The following OSBPL1A variants were observed in gnomAD, a reference collection of about 807,000 sequenced individuals.
The protein encoded by OSBPL1A is oxysterol-binding protein-related protein 1.
In OSBPL1A, 80 loss-of-function variants were observed where a neutral mutation model predicts 137.1. The observed-to-expected ratio is 0.58, with a 90% CI of 0.49 to 0.70. The LOEUF is 0.70. Among genes scored for constraint, OSBPL1A ranks in the 30% least tolerant of loss-of-function variants. OSBPL1A has a pLI of 0.00. For synonymous variants in OSBPL1A, 365 were observed against 389.7 expected, an observed-to-expected ratio of 0.94 and a Z score of 0.75; for missense variants, 970 against 1,129.4, an observed-to-expected ratio of 0.86 and a Z score of 2.02.
rs571142668 is a variant in OSBPL1A at position 24,292,976 on chromosome 18, C to T, written c.1174+10661G>A. 1.1e-4 allele frequency among the ~76,000 whole-genome samples: 17 copies of T among 151,518 alleles called. No individual in the cohort carries two copies. The South Asian group carries it at 3.3e-3, about 30-fold the overall frequency. Reference sequence around the variant, plus strand: ...TAAAAATTAGCCGGGTGTGGTGGCTCGCGCCTGTGGTCCCAGCTACTCAGG... The same window carrying T: ...TAAAAATTAGCCGGGTGTGGTGGCTTGCGCCTGTGGTCCCAGCTACTCAGG... On this transcript the variant is annotated intron_variant, in intron 14 of 27. Transcript: ENST00000319481.
At chr18:24,342,485 CTG>C (rs2091287333) in intron 4 of OSBPL1A, among the ~76,000 whole-genome samples, 1 of 152,160 alleles carries the variant, frequency 6.6e-6, no homozygotes, top group African/African-American at 2.4e-5. Context: ...GGCTGAAAAA[CTG>C]TGCTGTTCTA....
chr18:24,214,469 G>A (rs1404740872), intron 17 of OSBPL1A, among the ~76,000 whole-genome samples: 1 of 152,122 alleles, frequency 6.6e-6, no homozygotes. Context: ...TTTGTTGGTT[G>A]GGGAGGGGAA....
At chr18:24,367,459 T>C (rs995792042) in intron 3 of OSBPL1A, 4 of 150,978 alleles carry the variant, frequency 2.6e-5, no homozygotes, top group African/African-American at 9.7e-5. Flanking sequence ...CTGGGCAACA[T>C]GGTGAAAGTC....
chr18:24,345,823 T>C (rs1163137897), intron 4 of OSBPL1A, among the ~76,000 whole-genome samples: 1 of 152,230 alleles, frequency 6.6e-6, no homozygotes, highest in Non-Finnish European at 1.5e-5. Context: ...TCCCCTTACC[T>C]TACTAATTTT....
At chr18:24,264,963 A>G (rs996857758) in intron 15 of OSBPL1A, among the ~76,000 whole-genome samples, 3 of 152,160 alleles carry the variant, frequency 2.0e-5, no homozygotes, top group African/African-American at 7.2e-5. Flanking sequence ...AAACTTTTCT[A>G]TGGAGGTACC....
chr18:24,169,394 C>T (rs2086218786), intron 24 of OSBPL1A, among the ~76,000 whole-genome samples: 2 of 152,170 alleles, frequency 1.3e-5, no homozygotes, highest in Admixed American at 1.3e-4. Flanking sequence ...AGCTGGGCCG[C>T]CTGCATTTCT....
At chr18:24,385,994 C>T (rs764695014) in intron 1 of OSBPL1A, among the ~76,000 whole-genome samples, 4 of 152,020 alleles carry the variant, frequency 2.6e-5, no homozygotes, top group East Asian at 1.9e-4. Flanking sequence ...CCAAGGCTGG[C>T]GGGCAGGAAA....
At chr18:24,283,679 C>A (rs1271818642) in intron 14 of OSBPL1A, among the ~76,000 whole-genome samples, 1 of 152,060 alleles carries the variant, frequency 6.6e-6, no homozygotes, top group Non-Finnish European at 1.5e-5. Flanking sequence ...CACAGCCTAT[C>A]CCTTCCATAA....
chr18:24,388,818 A>C (rs1907121020), intron 1 of OSBPL1A, among the ~76,000 whole-genome samples: 1 of 151,682 alleles, frequency 6.6e-6, no homozygotes, highest in Non-Finnish European at 1.5e-5. Context: ...AAAAAAAAAA[A>C]AAACCAAAAA....
intron 4 of OSBPL1A, among the ~76,000 whole-genome samples, chr18:24,363,425 C>T (rs2091654575): frequency 6.6e-6 from 1 of 150,764 alleles, no homozygotes; most frequent in Non-Finnish European, 1.5e-5. Flanking sequence ...TCTTATTACA[C>T]TTCTTTCTTT....
chr18:24,249,333 A>G (rs1474773109), intron 15 of OSBPL1A, among the ~76,000 whole-genome samples: 1 of 152,216 alleles, frequency 6.6e-6, no homozygotes, highest in Non-Finnish European at 1.5e-5. Context: ...CATCATGTAA[A>G]TTAAAAAACA....
At chr18:24,187,913 T>C (rs2086792181) in intron 18 of OSBPL1A, among the ~76,000 whole-genome samples, 2 of 152,180 alleles carry the variant, frequency 1.3e-5, no homozygotes, top group Non-Finnish European at 2.9e-5. Context: ...TGACAGCCAG[T>C]AGGTGACACA....
At chr18:24,390,847 C>T (rs1167653817) in intron 1 of OSBPL1A, among the ~76,000 whole-genome samples, 5 of 151,764 alleles carry the variant, frequency 3.3e-5, no homozygotes, top group Admixed American at 2.0e-4. Context: ...CGGCTGTAAT[C>T]GCGGCACTTT....
At chr18:24,281,008 G>A in intron 14 of OSBPL1A, 60 bp from the exon 15 acceptor site, 1 of 1,131,352 alleles carries the variant, frequency 8.8e-7, no homozygotes, top group African/African-American at 1.6e-5. Context: ...GGTAAACTAA[G>A]ACCACAAAAA....
intron 7 of OSBPL1A, among the ~76,000 whole-genome samples, chr18:24,328,340 G>A (rs1157941035): frequency 6.8e-6 from 1 of 147,380 alleles, no homozygotes; most frequent in East Asian, 2.0e-4. Flanking sequence ...GATTACAGGT[G>A]TGAGTCACTG....
At chr18:24,367,861 T>C (rs1294721367) in intron 3 of OSBPL1A, 3 of 152,544 alleles carry the variant, frequency 2.0e-5, no homozygotes, top group Admixed American at 2.0e-4. Context: ...TTATTCATCA[T>C]AGAATTAAGA....
intron 7 of OSBPL1A, among the ~76,000 whole-genome samples, chr18:24,323,330 A>T (rs1300065728): frequency 6.7e-6 from 1 of 149,778 alleles, no homozygotes; most frequent in Non-Finnish European, 1.5e-5. Context: ...AGGTGGGTGG[A>T]TCGCTTGATG....
intron 18 of OSBPL1A, chr18:24,195,815 T>C (rs977571265): frequency 3.9e-5 from 13 of 331,512 alleles, no homozygotes; most frequent in African/African-American, 1.5e-4. Flanking sequence ...CACTGTGGGG[T>C]TGTCTGTTCT....
At chr18:24,336,611 C>T (rs982798186) in intron 5 of OSBPL1A, among the ~76,000 whole-genome samples, 1 of 152,102 alleles carries the variant, frequency 6.6e-6, no homozygotes, top group Non-Finnish European at 1.5e-5. Flanking sequence ...GCAAATGCTA[C>T]AAATCCAAAA....
Sources: gnomAD v4.1 joint callset for allele counts (sites outside exome capture counted in the v4.1 genomes callset) on GRCh38, gnomAD v4.1.1 for gene constraint, MANE v1.5 for transcripts, NCBI Gene and HGNC (gene_info 2026-07-23, HGNC 2026-07-21) for gene names.